P4HTM: variants seen among roughly 807,000 people sequenced by gnomAD.
P4HTM encodes prolyl 4-hydroxylase, transmembrane.
A neutral mutation model predicts 55.3 loss-of-function variants in P4HTM; 33 were observed. That is an observed-to-expected ratio of 0.60 (90% CI 0.45 to 0.80). The LOEUF is 0.80. Ranked by LOEUF, P4HTM falls within the 30% of genes least tolerant of loss-of-function variation. The pLI is 0.00. For missense variants in P4HTM, 542 were observed against 696.5 expected (o/e 0.78, Z 2.50); for synonymous variants, 272 against 286.4 (o/e 0.95, Z 0.51).
chr3:48,995,940 C>T (rs1437142439), intron 2 of P4HTM, among the ~76,000 whole-genome samples: 5 of 152,136 alleles, frequency 3.3e-5, no homozygotes, highest in African/African-American at 1.2e-4. Flanking sequence ...CAGCCCAGTC[C>T]AGCATCTGCC....
In P4HTM at chr3:49,006,893, C is replaced by T; in HGVS notation, c.1495C>T (p.Arg499Cys). The T allele has an allele frequency of 6.2e-7, 1 of 1,611,938 alleles. No individual in the cohort carries two copies. The highest frequency in any genetic ancestry group is 8.5e-7 in the Non-Finnish European group (1 of 1,179,336). ...TCTGGACCGGGCCTACCGCGATGCGCGCGTGGAACTCTGAGGGAAGAGTTA... is the reference window on the plus strand; with the variant it reads ...TCTGGACCGGGCCTACCGCGATGCGTGCGTGGAACTCTGAGGGAAGAGTTA... The part of the protein sequence containing the change: ...WALDRAYRDA[R>C]VEL Residue 499 changes from arginine to cysteine, a missense_variant, in exon 9 of 9, where the codon CGC becomes TGC. Physicochemically the swap from Arg to Cys is radical, Grantham distance 180 (BLOSUM62 -3). Transcript: ENST00000383729.
Position 49,005,172 on chromosome 3 carries a change from T to A in P4HTM, c.1073+126T>A. On this transcript the variant is annotated intron_variant, in intron 6 of 8. Transcript: ENST00000383729. ...CCAGGAGATCACTGGGTTATCCCGG[T>A]TAGTGATGCCCTCACCTCTCCCCAC... is the stretch of plus-strand genomic sequence containing the variant. The A allele has an allele frequency of 3.1e-6, 5 of 1,601,722 alleles. No homozygotes were observed. In the South Asian group the frequency reaches 4.4e-5, roughly 14 times the overall value.
At chr3:48,992,260 T>C (rs2092933007) in intron 2 of P4HTM, 1 of 152,322 alleles carries the variant, frequency 6.6e-6, no homozygotes, top group South Asian at 2.1e-4. Flanking sequence ...TGATATGTGA[T>C]TGCAAACAAG....
intron 2 of P4HTM, among the ~76,000 whole-genome samples, chr3:49,000,576 C>G (rs1559890418): frequency 2.6e-5 from 4 of 152,128 alleles, no homozygotes; most frequent in Admixed American, 2.0e-4. Flanking sequence ...GAAGACCGCT[C>G]TCCCAGGAAC....
At chr3:48,997,067 C>T (rs2092947903) in intron 2 of P4HTM, among the ~76,000 whole-genome samples, 1 of 152,220 alleles carries the variant, frequency 6.6e-6, no homozygotes, top group Non-Finnish European at 1.5e-5. Flanking sequence ...CTGTTTGAGA[C>T]TTGTGCCTCT....
rs781692586 is a variant in P4HTM at position 49,004,957 on chromosome 3, C to A, written c.984C>A (p.His328Gln). 1.9e-6 allele frequency: 3 copies of A among 1,613,992 alleles called. No individual in the cohort carries two copies. The highest frequency in any genetic ancestry group is 1.7e-5 in the Admixed American group (1 of 60,028). Reference protein sequence around the residue: ...RYGEGGHYHAHVDSGPVYPET... With the variant: ...RYGEGGHYHAQVDSGPVYPET... ...GTGAGGGGGGCCACTACCATGCCCA[C>A]GTGGACAGTGGGCCTGTGTACCCAG... The change falls in exon 6 of 9, where the codon CAC becomes CAA. Residue 328 changes from histidine to glutamine, a missense_variant. Coordinates refer to ENST00000383729, the MANE Select transcript of P4HTM (RefSeq NM_177939.3).
chr3:49,002,988 C>T lies in P4HTM; in HGVS notation c.724+392C>T, dbSNP rs1319730066. On this transcript the variant is annotated intron_variant, in intron 4 of 8. Coordinates refer to ENST00000383729, the MANE Select transcript of P4HTM (RefSeq NM_177939.3). The surrounding 1 kb of genome is among the most constrained non-coding windows in gnomAD (Gnocchi z 4.4). Reference sequence around the variant, plus strand: ...CTCCATCCATCTCTCCAGCCAGACACGAGGTCCACCCCAGCAGACAGCTTC... The same window carrying T: ...CTCCATCCATCTCTCCAGCCAGACATGAGGTCCACCCCAGCAGACAGCTTC... The T allele has an allele frequency of 2.0e-5, 7 of 353,948 alleles. No individual in the cohort carries two copies. The East Asian group carries it at 3.7e-4, about 19-fold the overall frequency. 21.9% of individuals were successfully genotyped at this position (353,948 alleles called of 1,614,324 possible).
rs979745227 is a variant in P4HTM, at chr3:49,002,010, A to G, written c.627+382A>G. On this transcript the variant is annotated intron_variant, in intron 3 of 8. Coordinates refer to ENST00000383729, the MANE Select transcript of P4HTM (RefSeq NM_177939.3). This position sits in a 1 kb window ranked among gnomAD's most constrained non-coding sequence, Gnocchi z 4.4. ...CATAACTCTCACACACTCTACAGCC[A>G]GGCTGGAGGGCCAAGCTTCTGAGAG... is the stretch of plus-strand genomic sequence containing the variant. Among the ~76,000 whole-genome samples the G allele has an allele frequency of 6.6e-6, 1 of 152,202 alleles. No homozygotes were observed. Among genetic ancestry groups the G allele is most frequent in the Non-Finnish European group, 1.5e-5 (1 of 68,032 alleles).
chr3:49,000,471 TG>T (rs1391079937), intron 2 of P4HTM, among the ~76,000 whole-genome samples: 1 of 152,214 alleles, frequency 6.6e-6, no homozygotes, highest in African/African-American at 2.4e-5. Context: ...AACTTTGTGC[TG>T]GAAGTGTAAC....
intron 2 of P4HTM, among the ~76,000 whole-genome samples, chr3:48,992,766 A>G (rs2092934534): frequency 6.8e-6 from 1 of 147,588 alleles, no homozygotes; most frequent in Non-Finnish European, 1.5e-5. Context: ...TCCGGGTTCA[A>G]GTGATTCTCC....
At chr3:49,004,644 A>G (rs2092971095) in intron 5 of P4HTM, 1 of 590,222 alleles carries the variant, frequency 1.7e-6, no homozygotes, top group African/African-American at 1.9e-5. Context: ...CAACATTTCC[A>G]CATAGCAGGT....
chr3:49,005,777 C>G lies in P4HTM; in HGVS notation c.1074C>G (p.Arg358=). 1 of 1,599,642 alleles carries G rather than the reference C, an allele frequency of 6.3e-7. No homozygotes were observed. The highest frequency in any genetic ancestry group is 8.5e-7 in the Non-Finnish European group (1 of 1,173,318). The change falls in exon 7 of 9, where the codon CGC becomes CGG. Residue 358 remains arginine (R), a splice_region_variant and synonymous_variant. Coordinates refer to ENST00000383729, the MANE Select transcript of P4HTM (RefSeq NM_177939.3). The stretch of plus-strand genomic sequence containing the variant: ...GCTCAGTGCCCCCCCTGCCTTACAG[C>G]TACATGACAGTGCTGTTTTATTTGA... ...NESVPFETSC[R]YMTVLFYLNN... is the part of the protein sequence containing the mutation.
intron 5 of P4HTM, chr3:49,004,608 C>T: frequency 1.7e-6 from 1 of 576,868 alleles, no homozygotes; most frequent in Non-Finnish European, 3.1e-6. Flanking sequence ...TCAGGACTCC[C>T]CGCCCCCTTT....
chr3:49,001,659 G>T (rs1335567604), intron 3 of P4HTM, 31 bp downstream of exon 3: 19 of 1,580,100 alleles, frequency 1.2e-5, no homozygotes, highest in South Asian at 2.2e-5. Flanking sequence ...GTAGGCTCAG[G>T]GTGGGAGTGC....
intron 4 of P4HTM, chr3:49,003,784 G>T: frequency 6.8e-6 from 2 of 291,988 alleles, no homozygotes; most frequent in Non-Finnish European, 1.3e-5. Context: ...CCAGGGTCCT[G>T]GCCATATGGC....
intron 3 of P4HTM, among the ~76,000 whole-genome samples, chr3:49,001,924 C>T (rs2092962397): frequency 1.3e-5 from 2 of 152,240 alleles, no homozygotes; most frequent in African/African-American, 4.8e-5. Flanking sequence ...GGGGGCCCCA[C>T]AGAACTCATG....
chr3:48,999,547 GC>G lies in P4HTM; in HGVS notation c.437-1889del, dbSNP rs780038448. 9 of 167,568 alleles carry G rather than the reference GC, an allele frequency of 5.4e-5. No individual in the cohort carries two copies. Among genetic ancestry groups the G allele is most frequent in the African/African-American group, 2.2e-4 (9 of 41,480 alleles). 10.4% of individuals were successfully genotyped at this position (167,568 alleles called of 1,614,324 possible). A position where few individuals can be genotyped will look rare whatever the true frequency, so the allele number is the denominator to read the frequency against. On this transcript the variant is annotated intron_variant, in intron 2 of 8. Coordinates refer to ENST00000383729, the MANE Select transcript of P4HTM (RefSeq NM_177939.3). The surrounding 1 kb of genome is among the most constrained non-coding windows in gnomAD (Gnocchi z 4.8). ...CTCCATCACTGCCTTCTGTGCCTTG[GC>G]CTTAATGAACTGAGGTTGAGGGTTT...
At chr3:48,990,234 GGCGC>G, upstream of P4HTM, 3 of 1,178,286 alleles carry the variant, frequency 2.5e-6, no homozygotes, top group Non-Finnish European at 3.1e-6. This position sits in a 1 kb window ranked among gnomAD's most constrained non-coding sequence, Gnocchi z 7.2. Flanking sequence ...CCCTCCCCTG[GGCGC>G]GCGCGCGACC....
intron 2 of P4HTM, chr3:48,996,550 T>G (rs2092946320): frequency 6.6e-6 from 1 of 152,226 alleles, no homozygotes; most frequent in Non-Finnish European, 1.5e-5. Flanking sequence ...TTAGTAGAGA[T>G]GGGGTTTCAC....
Sources: gnomAD v4.1 joint callset for allele counts (sites outside exome capture counted in the v4.1 genomes callset) on GRCh38, gnomAD v4.1.1 for gene constraint, Gnocchi (gnomAD v3.1) non-coding constraint, MANE v1.5 for transcripts, NCBI Gene and HGNC (gene_info 2026-07-23, HGNC 2026-07-21) for gene names.